The following MORC1 variants were observed in gnomAD, a reference collection of about 807,000 sequenced individuals.
The protein encoded by MORC1 is MORC family CW-type zinc finger protein 1.
A neutral mutation model predicts 134.9 loss-of-function variants in MORC1; 59 were observed. The observed-to-expected ratio is 0.44, with a 90% CI of 0.35 to 0.54. MORC1 has a LOEUF of 0.54. MORC1 is among the 20% of genes least tolerant of loss of function. The pLI, the probability that MORC1 is intolerant of heterozygous loss-of-function variation, is 0.00. For synonymous variants in MORC1, 395 were observed against 391.7 expected, an observed-to-expected ratio of 1.01 and a Z score of -0.10; for missense variants, 947 against 1,134.5, an observed-to-expected ratio of 0.83 and a Z score of 2.37.
chr3:109,084,744 T>C (rs575188492), intron 8 of MORC1, among the ~76,000 whole-genome samples: 1 of 151,964 alleles, frequency 6.6e-6, no homozygotes, highest in Admixed American at 6.5e-5. Context: ...GACTCCAAAA[T>C]ACACTACGAA....
intron 26 of MORC1, 58 bp from the exon 27 acceptor site, chr3:108,963,666 T>G: frequency 1.7e-6 from 2 of 1,144,428 alleles, no homozygotes; most frequent in Non-Finnish European, 2.4e-6. Flanking sequence ...TTCCCTCTAA[T>G]ATCACTAGAC....
At chr3:109,035,910 T>G (rs2107618797) in intron 14 of MORC1, among the ~76,000 whole-genome samples, 1 of 152,284 alleles carries the variant, frequency 6.6e-6, no homozygotes, top group Admixed American at 6.5e-5. Flanking sequence ...AATCTTTATT[T>G]TATCTCTGGT....
intron 21 of MORC1, among the ~76,000 whole-genome samples, chr3:108,998,569 C>T (rs1272830333): frequency 2.6e-5 from 4 of 152,144 alleles, no homozygotes; most frequent in Admixed American, 1.3e-4. Context: ...GGCACATACA[C>T]TCACACGTGC....
At chr3:109,072,946 C>T (rs1950348697) in intron 8 of MORC1, among the ~76,000 whole-genome samples, 1 of 55,430 alleles carries the variant, frequency 1.8e-5, no homozygotes. Flanking sequence ...CACACACACA[C>T]ACACACACAC....
chr3:109,040,562 G>T (rs1432269481), intron 14 of MORC1, among the ~76,000 whole-genome samples: 1 of 151,962 alleles, frequency 6.6e-6, no homozygotes, highest in East Asian at 1.9e-4. Flanking sequence ...AGGCACAGTG[G>T]CTCATGCCTG....
At chr3:109,030,193 C>A (rs1949208707) in intron 16 of MORC1, among the ~76,000 whole-genome samples, 1 of 152,178 alleles carries the variant, frequency 6.6e-6, no homozygotes, top group Admixed American at 6.5e-5. Flanking sequence ...CTCCGTCCTG[C>A]TACTCACAGA....
rs769472226 is a variant in MORC1 at position 109,108,530 on chromosome 3, CT to C, written c.154+2218del. ...AGGTAATTCCCATAGCCATACCTCC[CT>C]GCTATCCTTGCTTTCATACTTCTCC... On this transcript the variant is annotated intron_variant, in intron 3 of 27. Coordinates refer to ENST00000232603, the MANE Select transcript of MORC1 (RefSeq NM_014429.4). Among the ~76,000 whole-genome samples, 100 of 152,270 alleles carry C rather than the reference CT, an allele frequency of 6.6e-4. 2 individuals carry two copies. The Middle Eastern group carries it at 0.014, about 21-fold the overall frequency.
In MORC1 at chr3:109,007,004, G is replaced by T. The variant is rs780437097; in HGVS notation, c.1767+25C>A. On this transcript the variant is annotated intron_variant, in intron 18 of 27. Coordinates refer to ENST00000232603, the MANE Select transcript of MORC1 (RefSeq NM_014429.4). ...ACATGGTTAAAACATGACACAAATT[G>T]CTTAATCCTATATTAATTACTCACC... The T allele has an allele frequency of 2.6e-5, 15 of 566,678 alleles. No individual in the cohort carries two copies. In the East Asian group the frequency reaches 3.5e-4, roughly 13 times the overall value. The allele number at this position is 566,678 out of a possible 1,614,324, so 35.1% of individuals were successfully genotyped here.
intron 6 of MORC1, among the ~76,000 whole-genome samples, chr3:109,096,332 T>TA (rs1214483447): frequency 6.6e-6 from 1 of 152,112 alleles, no homozygotes; most frequent in Non-Finnish European, 1.5e-5. Flanking sequence ...CAGGATGGGA[T>TA]AGGAGGTGGG....
chr3:109,063,420 T>A (rs1950127322), intron 9 of MORC1, among the ~76,000 whole-genome samples, 189 bp from the exon 10 acceptor site: 1 of 152,168 alleles, frequency 6.6e-6, no homozygotes, highest in Admixed American at 6.5e-5. Flanking sequence ...TTTCACTACT[T>A]AGAAATGTTG....
chr3:109,030,380 G>C (rs1949213084), intron 16 of MORC1, among the ~76,000 whole-genome samples: 1 of 152,116 alleles, frequency 6.6e-6, no homozygotes, highest in East Asian at 1.9e-4. Flanking sequence ...AACTGAGCAA[G>C]GTCATCAGAA....
At chr3:109,042,856 T>C (rs1949586005) in intron 14 of MORC1, among the ~76,000 whole-genome samples, 1 of 152,040 alleles carries the variant, frequency 6.6e-6, no homozygotes, top group African/African-American at 2.4e-5. Context: ...ATTTCATTTA[T>C]ATGTGAAATC....
chr3:108,966,317 T>G (rs1947219128), intron 26 of MORC1, among the ~76,000 whole-genome samples: 1 of 152,196 alleles, frequency 6.6e-6, no homozygotes, highest in African/African-American at 2.4e-5. Context: ...TCTAGCAGTT[T>G]TGCAGCTCCA....
chr3:109,080,263 T>TCTTA lies in MORC1; in HGVS notation c.690-10510_690-10507dup, dbSNP rs1159541257. Among the ~76,000 whole-genome samples, 34 of 152,088 alleles carry TCTTA rather than the reference T, an allele frequency of 2.2e-4. 2 individuals carry two copies. The highest frequency in any genetic ancestry group is 2.2e-3 in the Admixed American group (34 of 15,264). ...AGAAGGCAAGGAGGAGCAAGTCACG[T>TCTTA]CTTACATGGATGGCAGCAGGTAAAG... On this transcript the variant is annotated intron_variant, in intron 8 of 27. Transcript: ENST00000232603.
chr3:108,983,337 G>T (rs1452174256), intron 23 of MORC1, among the ~76,000 whole-genome samples: 1 of 152,020 alleles, frequency 6.6e-6, no homozygotes, highest in Non-Finnish European at 1.5e-5. Context: ...GAGTGCATTG[G>T]CATCTAGTGA....
intron 2 of MORC1, among the ~76,000 whole-genome samples, chr3:109,113,863 A>C (rs1391667526): frequency 6.6e-6 from 1 of 152,232 alleles, no homozygotes; most frequent in Non-Finnish European, 1.5e-5. Context: ...ACTTTGAATA[A>C]ATCATCTAAT....
intron 18 of MORC1, among the ~76,000 whole-genome samples, chr3:109,006,444 ATATC>A (rs1948542694): frequency 6.6e-6 from 1 of 152,256 alleles, no homozygotes; most frequent in Non-Finnish European, 1.5e-5. Context: ...TACATTATGT[ATATC>A]AGAAATCTAT....
chr3:109,054,017 C>T (rs1360559558), intron 14 of MORC1, among the ~76,000 whole-genome samples: 1 of 151,944 alleles, frequency 6.6e-6, no homozygotes, highest in Non-Finnish European at 1.5e-5. Flanking sequence ...GGCGTGGTGG[C>T]TCAGGCCTGT....
At position 108,974,643 on chromosome 3, in the gene MORC1, G is replaced by A. The variant is rs118071166; in HGVS notation, c.2478-3241C>T. Among the ~76,000 whole-genome samples, 106 of 152,316 alleles carry A rather than the reference G, an allele frequency of 7.0e-4. 1 individual carries two copies. In the East Asian group the frequency reaches 0.02, roughly 28 times the overall value. ...TGGGGCAACTCCTGAACCAAGTGCT[G>A]CCATTTCAATGGGACTTTTGTCCCA... is the stretch of plus-strand genomic sequence containing the variant. On this transcript the variant is annotated intron_variant, in intron 24 of 27. Transcript: ENST00000232603.
Sources: allele counts gnomAD v4.1 joint callset (sites outside exome capture counted in the v4.1 genomes callset), GRCh38; gene constraint gnomAD v4.1.1; transcripts MANE v1.5; gene names NCBI Gene and HGNC (gene_info 2026-07-23, HGNC 2026-07-21).